The following NF1 variants were observed in gnomAD, a reference collection of about 807,000 sequenced individuals.
NF1 encodes neurofibromin.
A neutral mutation model predicts 325.7 loss-of-function variants in NF1; 122 were observed. That is an observed-to-expected ratio of 0.37 (90% CI 0.32 to 0.44). The LOEUF is 0.44. NF1 is among the 20% of genes least tolerant of loss of function. The pLI is 1.00. For missense variants in NF1, 2,140 were observed against 3,415.4 expected (o/e 0.63, Z 9.31); for synonymous variants, 1,091 against 1,186.0 (o/e 0.92, Z 1.65).
chr17:31,236,081 T>A, intron 29 of NF1, 60 bp downstream of exon 29: 1 of 1,308,256 alleles, frequency 7.6e-7, no homozygotes, highest in Non-Finnish European at 1.1e-6. Context: ...GTTTGTTTGT[T>A]TTACTAACAC....
chr17:31,312,380 G>A (rs1177908147), intron 36 of NF1, among the ~76,000 whole-genome samples: 1 of 151,834 alleles, frequency 6.6e-6, no homozygotes, highest in Non-Finnish European at 1.5e-5. Flanking sequence ...GCGTGGTGGT[G>A]GGTGCCTGTA....
intron 1 of NF1, among the ~76,000 whole-genome samples, chr17:31,108,912 T>TC (rs1293492194): frequency 3.9e-5 from 6 of 152,174 alleles, no homozygotes; most frequent in Non-Finnish European, 8.8e-5. Flanking sequence ...CTGCACTTTT[T>TC]CACAGGGATC....
intron 24 of NF1, among the ~76,000 whole-genome samples, chr17:31,231,476 C>T (rs2067111476): frequency 6.6e-6 from 1 of 152,136 alleles, no homozygotes; most frequent in Non-Finnish European, 1.5e-5. Context: ...GTTCCAAGAA[C>T]CACTCCCCAA....
chr17:31,185,508 A>T (rs1412468208), intron 8 of NF1, among the ~76,000 whole-genome samples: 1 of 152,126 alleles, frequency 6.6e-6, no homozygotes, highest in East Asian at 1.9e-4. Context: ...AAACTTAGGG[A>T]CCTTCTACCT....
At chr17:31,199,040 A>G (rs1274727551) in intron 8 of NF1, among the ~76,000 whole-genome samples, 1 of 151,894 alleles carries the variant, frequency 6.6e-6, no homozygotes. Flanking sequence ...TCAAAGAATC[A>G]GCTTCTGGTT....
intron 36 of NF1, among the ~76,000 whole-genome samples, chr17:31,269,236 C>G (rs2067847528): frequency 6.6e-6 from 1 of 152,128 alleles, no homozygotes; most frequent in Non-Finnish European, 1.5e-5. Flanking sequence ...CATTGACTCC[C>G]TGTATAAAGT....
At chr17:31,322,678 G>A (rs4794887) in intron 36 of NF1, among the ~76,000 whole-genome samples, 76,004 of 151,692 alleles carry the variant, frequency 0.5, 20,795 homozygotes, top group Non-Finnish European at 0.62. Context: ...TTAAATTAAT[G>A]AAATAAAAAG....
chr17:31,227,694 A>G, intron 20 of NF1, 88 bp downstream of exon 20: 1 of 1,155,356 alleles, frequency 8.7e-7, no homozygotes, highest in Admixed American at 1.9e-5. Flanking sequence ...GTCGCTCAGT[A>G]AAGTAAACAT....
Position 31,343,116 on chromosome 17 carries a change from G to A in NF1, c.7170G>A (p.Leu2390=), listed in dbSNP as rs751081026. 3 of 1,613,538 alleles carry A rather than the reference G, an allele frequency of 1.9e-6. No homozygotes were observed. Among genetic ancestry groups the A allele is most frequent in the African/African-American group, 2.7e-5 (2 of 74,856 alleles). ...LNFNSNFNFA[L]VGHLLKGYRH... The stretch of plus-strand genomic sequence containing the variant: ...TCAACTCTAACTTTAACTTTGCATT[G>A]GTTGGACACCTTTTAAAAGGTAAAA... Residue 2390 remains leucine, a synonymous_variant, in exon 48 of 58, where the codon TTG becomes TTA. Transcript: ENST00000358273.
At chr17:31,302,989 G>T (rs2068610816) in intron 36 of NF1, among the ~76,000 whole-genome samples, 1 of 152,160 alleles carries the variant, frequency 6.6e-6, no homozygotes, top group South Asian at 2.1e-4. Flanking sequence ...AAAATTAATG[G>T]TCAGTAAAGA....
intron 2 of NF1, among the ~76,000 whole-genome samples, chr17:31,157,018 A>T (rs1310672749): frequency 6.6e-6 from 1 of 152,100 alleles, no homozygotes; most frequent in Non-Finnish European, 1.5e-5. Flanking sequence ...ACAGGGTCTC[A>T]TTCTGTCACC....
Position 31,353,874 on chromosome 17 carries a change from G to A in NF1, c.7615+1460G>A, listed in dbSNP as rs149552814. Among the ~76,000 whole-genome samples the A allele has an allele frequency of 2.1e-3, 314 of 152,194 alleles. 2 individuals are homozygous for A. Among genetic ancestry groups the A allele is most frequent in the African/African-American group, 7.3e-3 (304 of 41,514 alleles). On this transcript the variant is annotated intron_variant, in intron 51 of 57. Coordinates refer to ENST00000358273, the MANE Select transcript of NF1 (RefSeq NM_001042492.3). ...AACAACAAATTGTAACATAAATAAC[G>A]TGCCAGTAAACCGTGAAAGAAATAG... is the stretch of plus-strand genomic sequence containing the variant.
intron 3 of NF1, among the ~76,000 whole-genome samples, 179 bp from the exon 4 acceptor site, chr17:31,163,006 TA>T (rs749115431): frequency 2.0e-5 from 3 of 152,266 alleles, no homozygotes; most frequent in Non-Finnish European, 4.4e-5. Context: ...TCCTCTTTAT[TA>T]AACTATCTAT....
Position 31,338,103 on chromosome 17 carries a change from T to A in NF1, c.6783T>A (p.His2261Gln). The stretch of plus-strand genomic sequence containing the variant: ...GGTGTATTAGCAAACGAGTGTCTCA[T>A]GGGCAGATAAAGCAGATAATCCGTA... ...VFGCISKRVS[H>Q]GQIKQIIRIL... Residue 2261 changes from histidine to glutamine, a missense_variant, in exon 45 of 58, where the codon CAT (histidine) becomes CAA (glutamine). This residue lies in a region of NF1 where 522 missense variants were observed against 749.0 expected (regional missense o/e 0.70). Transcript: ENST00000358273. The A allele has an allele frequency of 6.2e-7, 1 of 1,613,886 alleles. No homozygotes were observed. Among genetic ancestry groups the A allele is most frequent in the Non-Finnish European group, 8.5e-7 (1 of 1,179,800 alleles).
rs2067449846 is a variant in NF1 at position 31,249,058 on chromosome 17, T to C, written c.4049T>C (p.Ile1350Thr). 1 of 1,614,074 alleles carries C rather than the reference T, an allele frequency of 6.2e-7. No homozygotes were observed. The highest frequency in any genetic ancestry group is 1.7e-5 in the Admixed American group (1 of 60,002). The stretch of plus-strand genomic sequence containing the variant: ...ATGACTGAAAAGTTCTTCCATGCCA[T>C]CATCAGTTCCTCCTCAGAATTCCCC... ...LQMTEKFFHAIISSSSEFPPQ... is the reference protein window; with the variant it reads ...LQMTEKFFHATISSSSEFPPQ... Residue 1350 changes from isoleucine to threonine, a missense_variant, in exon 30 of 58, where the codon ATC becomes ACC. Coordinates refer to ENST00000358273, the MANE Select transcript of NF1 (RefSeq NM_001042492.3).
intron 12 of NF1, among the ~76,000 whole-genome samples, chr17:31,207,076 CTT>C (rs923850367): frequency 4.6e-5 from 7 of 152,230 alleles, no homozygotes; most frequent in Middle Eastern, 3.4e-3. Flanking sequence ...AAGAGCAACT[CTT>C]GACATTGATT....
intron 4 of NF1, among the ~76,000 whole-genome samples, chr17:31,166,311 A>G (rs983537202): frequency 6.6e-6 from 1 of 152,140 alleles, no homozygotes; most frequent in Admixed American, 6.5e-5. Context: ...GATCATTTAA[A>G]ACGTATTTTA....
At chr17:31,255,218 C>T (rs574933421) in intron 31 of NF1, among the ~76,000 whole-genome samples, 8 of 152,046 alleles carry the variant, frequency 5.3e-5, no homozygotes, top group Admixed American at 4.6e-4. Context: ...TACATGCATT[C>T]GCGTTATGTA....
chr17:31,194,411 G>A (rs1253581605), intron 8 of NF1, among the ~76,000 whole-genome samples: 1 of 152,004 alleles, frequency 6.6e-6, no homozygotes, highest in Non-Finnish European at 1.5e-5. Context: ...GGTAGGGAAC[G>A]ATTTGTTAAA....
Sources: allele counts gnomAD v4.1 joint callset (sites outside exome capture counted in the v4.1 genomes callset), GRCh38; gene constraint gnomAD v4.1.1; regional missense constraint gnomAD v4.1.1; transcripts MANE v1.5; gene names NCBI Gene and HGNC (gene_info 2026-07-23, HGNC 2026-07-21).